The following RNF125 variants were observed in gnomAD, a reference collection of about 807,000 sequenced individuals.
RNF125 encodes E3 ubiquitin-protein ligase RNF125.
In RNF125, 21 loss-of-function variants were observed where a neutral mutation model predicts 26.0. The ratio of observed to expected loss-of-function variants is 0.81; its 90% CI spans 0.57 to 1.16. The LOEUF (loss-of-function observed/expected upper bound fraction) is 1.16. Among genes scored for constraint, RNF125 ranks in the 50% most tolerant of loss-of-function variants. The pLI, the probability that RNF125 is intolerant of heterozygous loss-of-function variation, is 0.00. For synonymous variants in RNF125, 95 were observed against 109.2 expected, an observed-to-expected ratio of 0.87 and a Z score of 0.81; for missense variants, 270 against 299.4, an observed-to-expected ratio of 0.90 and a Z score of 0.72.
At chr18:32,036,067 T>C (rs2039150261) in intron 1 of RNF125, among the ~76,000 whole-genome samples, 1 of 151,218 alleles carries the variant, frequency 6.6e-6, no homozygotes, top group Admixed American at 6.6e-5. Flanking sequence ...GTCAGGAGAA[T>C]TGCTTGAACC....
chr18:32,054,340 G>T (rs1338772720), intron 4 of RNF125, among the ~76,000 whole-genome samples: 1 of 152,016 alleles, frequency 6.6e-6, no homozygotes, highest in South Asian at 2.1e-4. Flanking sequence ...TGTTCCTCCC[G>T]CTGTGGCCTC....
intron 1 of RNF125, among the ~76,000 whole-genome samples, chr18:32,028,463 A>C (rs573060256): frequency 6.6e-6 from 1 of 152,112 alleles, no homozygotes; most frequent in South Asian, 2.1e-4. Context: ...TTCTCTACCA[A>C]TGTAGACTTT....
At chr18:32,084,223 C>T in the RNF125 span, among the ~76,000 whole-genome samples, 2 of 152,164 alleles carry the variant, frequency 1.3e-5, no homozygotes, top group East Asian at 1.9e-4. Context: ...GGCTTGGTGG[C>T]GCATGCCTGT....
chr18:32,073,420 A>G (rs1179884393), downstream of RNF125, among the ~76,000 whole-genome samples: 1 of 152,182 alleles, frequency 6.6e-6, no homozygotes, highest in Non-Finnish European at 1.5e-5. Context: ...CCTGAGATCT[A>G]GATACAGGTC....
At chr18:32,049,430 C>T (rs1463601979) in intron 4 of RNF125, among the ~76,000 whole-genome samples, 1 of 152,262 alleles carries the variant, frequency 6.6e-6, no homozygotes, top group Middle Eastern at 3.4e-3. Context: ...AAAGTAAGCA[C>T]TCTGTCTCCT....
intron 1 of RNF125, among the ~76,000 whole-genome samples, chr18:32,027,642 A>G (rs910143792): frequency 3.9e-5 from 6 of 152,160 alleles, no homozygotes; most frequent in South Asian, 2.1e-4. Context: ...CTGGCTTTTC[A>G]TCCGTTGTTC....
intron 4 of RNF125, among the ~76,000 whole-genome samples, chr18:32,061,320 G>A (rs1181681894): frequency 1.3e-5 from 2 of 152,132 alleles, no homozygotes; most frequent in East Asian, 1.9e-4. Context: ...CCCCGTGCCT[G>A]GCCTAAAATT....
intron 4 of RNF125, among the ~76,000 whole-genome samples, chr18:32,050,633 T>C (rs1190704059): frequency 6.6e-6 from 1 of 151,644 alleles, no homozygotes; most frequent in African/African-American, 2.4e-5. Flanking sequence ...GCCACTAAGC[T>C]CGGTTATTTA....
chr18:32,019,397 C>T (rs973960739), intron 1 of RNF125, among the ~76,000 whole-genome samples: 3 of 152,074 alleles, frequency 2.0e-5, no homozygotes, highest in African/African-American at 7.2e-5. Context: ...GGAAAGGAAA[C>T]GAGCTCCAGC....
At chr18:32,090,423 G>C in the RNF125 span, among the ~76,000 whole-genome samples, 2 of 152,104 alleles carry the variant, frequency 1.3e-5, no homozygotes, top group African/African-American at 4.8e-5. Context: ...TTCTTGTCTT[G>C]CTTCCACTGC....
chr18:32,060,701 C>T (rs1404758204), intron 4 of RNF125, among the ~76,000 whole-genome samples: 1 of 152,206 alleles, frequency 6.6e-6, no homozygotes, highest in Non-Finnish European at 1.5e-5. Flanking sequence ...CCTTCCTATT[C>T]TTACCCTCTC....
At chr18:32,035,080 T>C (rs995245789) in intron 1 of RNF125, among the ~76,000 whole-genome samples, 2 of 152,140 alleles carry the variant, frequency 1.3e-5, no homozygotes, top group Non-Finnish European at 2.9e-5. Context: ...TATACTTGAC[T>C]TGGCTTGCCA....
At chr18:32,027,863 G>A (rs1345346385) in intron 1 of RNF125, among the ~76,000 whole-genome samples, 3 of 152,024 alleles carry the variant, frequency 2.0e-5, no homozygotes, top group African/African-American at 7.2e-5. Context: ...CCAGATGCTT[G>A]ATGCTTTTAT....
downstream of RNF125, among the ~76,000 whole-genome samples, chr18:32,073,723 C>G (rs2039551524): frequency 6.6e-6 from 1 of 152,118 alleles, no homozygotes; most frequent in Admixed American, 6.6e-5. Flanking sequence ...TTTGCAAGAA[C>G]ACATACAGGA....
At chr18:32,061,972 T>C (rs2039439378) in intron 4 of RNF125, among the ~76,000 whole-genome samples, 1 of 152,226 alleles carries the variant, frequency 6.6e-6, no homozygotes, top group Non-Finnish European at 1.5e-5. Flanking sequence ...AGGGATCAAC[T>C]AGACACATGG....
rs1024131226 is a variant in RNF125 at position 32,070,230 on chromosome 18, G to A, written c.*1846G>A. The A allele has an allele frequency of 2.0e-5, 3 of 152,070 alleles. No homozygotes were observed. Among genetic ancestry groups the A allele is most frequent in the Non-Finnish European group, 4.4e-5 (3 of 68,084 alleles). The allele number at this position is 152,070 out of a possible 1,614,324, so 9.4% of individuals were successfully genotyped here. A position where few individuals can be genotyped will look rare whatever the true frequency, so the allele number is the denominator to read the frequency against. The stretch of plus-strand genomic sequence containing the variant: ...TAATTTTTGTATTTTTAGTAGAGGG[G>A]TTTCACCATAATGGTCAGGCTGGTC... On this transcript the variant is annotated 3_prime_UTR_variant, in exon 6 of 6. Transcript: ENST00000217740.
chr18:32,088,029 T>A, the RNF125 span, among the ~76,000 whole-genome samples: 1 of 152,240 alleles, frequency 6.6e-6, no homozygotes, highest in Admixed American at 6.5e-5. Flanking sequence ...TGGCTTCTTC[T>A]GCATTTGAGA....
chr18:32,036,636 G>GGAGGGGAGAGGGGAGGGA (rs2039158381), intron 1 of RNF125, among the ~76,000 whole-genome samples: 2 of 118,748 alleles, frequency 1.7e-5, no homozygotes, highest in African/African-American at 6.8e-5. Flanking sequence ...AGGGGAGGGA[G>GGAGGGGAGAGGGGAGGGA]GGAGGGGAGA....
chr18:32,056,034 C>G (rs1230858957), intron 4 of RNF125, among the ~76,000 whole-genome samples: 33 of 149,836 alleles, frequency 2.2e-4, no homozygotes, highest in Admixed American at 2.2e-3. Flanking sequence ...AATTTAAACC[C>G]TAATTTTAAG....
Sources: allele counts gnomAD v4.1 joint callset (sites outside exome capture counted in the v4.1 genomes callset), GRCh38; gene constraint gnomAD v4.1.1; transcripts MANE v1.5; gene names NCBI Gene and HGNC (gene_info 2026-07-23, HGNC 2026-07-21).